The following PARD3B variants were observed in gnomAD, a reference collection of about 807,000 sequenced individuals.
PARD3B encodes partitioning defective 3 homolog B.
PARD3B carries 103 observed loss-of-function variants against 130.2 expected under a neutral mutation model. That is an observed-to-expected ratio of 0.79 (90% confidence interval 0.67 to 0.93). PARD3B has a LOEUF of 0.93. Ranked by LOEUF, PARD3B falls within the 40% of genes least tolerant of loss-of-function variation. The pLI, the probability that PARD3B is intolerant of heterozygous loss-of-function variation, is 0.00. For synonymous variants in PARD3B, 583 were observed against 553.2 expected (o/e 1.05, Z -0.76); for missense variants, 1,609 against 1,499.2 (o/e 1.07, Z -1.21).
In PARD3B at chr2:205,104,597, C is replaced by T. The variant is rs940739113; in HGVS notation, c.593+83C>T. 1.6e-5 allele frequency: 15 copies of T among 952,186 alleles called. No homozygotes were observed. In the East Asian group the frequency reaches 2.3e-4, roughly 15 times the overall value. The allele number at this position is 952,186 out of a possible 1,614,324, so 59.0% of individuals were successfully genotyped here. On this transcript the variant is annotated intron_variant, in intron 5 of 22. Coordinates refer to ENST00000406610, the MANE Select transcript of PARD3B (RefSeq NM_001302769.2). ...ATAGTTTATAATTGTTCTTACTTTA[C>T]AAGAAAGATCAGGATAAGTAGAATC...
chr2:204,875,615 G>T (rs2045810774), intron 2 of PARD3B, among the ~76,000 whole-genome samples: 1 of 152,170 alleles, frequency 6.6e-6, no homozygotes, highest in Admixed American at 6.6e-5. Context: ...GGCCTGCCTT[G>T]AAAGAGAAAC....
chr2:205,539,689 A>C (rs781594943), intron 21 of PARD3B, among the ~76,000 whole-genome samples: 49 of 152,174 alleles, frequency 3.2e-4, no homozygotes, highest in Non-Finnish European at 1.6e-4. Flanking sequence ...AGTAGTTTAG[A>C]TATCCGGTTC....
At chr2:205,192,744 A>G (rs894973160) in intron 14 of PARD3B, among the ~76,000 whole-genome samples, 2 of 152,226 alleles carry the variant, frequency 1.3e-5, no homozygotes, top group African/African-American at 4.8e-5. Flanking sequence ...AAACTCCTAC[A>G]GGCATCAGTC....
intron 1 of PARD3B, among the ~76,000 whole-genome samples, chr2:204,596,889 G>T (rs987844037): frequency 7.3e-5 from 11 of 151,720 alleles, no homozygotes; most frequent in African/African-American, 2.4e-4. Flanking sequence ...TTGCACTCCA[G>T]CCTGGGCAAC....
chr2:204,715,548 A>G lies in PARD3B; in HGVS notation c.222+29266A>G, dbSNP rs182979502. ...GAGTGTTTCTGGCACTTGATCAGTT[A>G]AAACGTAAATCGTAAGCCAAACTAC... On this transcript the variant is annotated intron_variant, in intron 2 of 22. Transcript: ENST00000406610. Among the ~76,000 whole-genome samples, 348 of 151,130 alleles carry G rather than the reference A, an allele frequency of 2.3e-3. 3 individuals carry two copies. The South Asian group carries it at 0.026, about 11-fold the overall frequency.
chr2:205,250,462 A>C (rs970376465), intron 16 of PARD3B, among the ~76,000 whole-genome samples: 7 of 152,144 alleles, frequency 4.6e-5, no homozygotes, highest in Non-Finnish European at 8.8e-5. Context: ...TAAAACAGGC[A>C]AGTGTGTGAA....
chr2:204,815,122 A>G (rs942825267), intron 2 of PARD3B, among the ~76,000 whole-genome samples: 1 of 151,916 alleles, frequency 6.6e-6, no homozygotes, highest in Non-Finnish European at 1.5e-5. Context: ...TAGTTGATGT[A>G]GAATTAATAT....
At chr2:204,865,093 C>T (rs60086789) in intron 2 of PARD3B, among the ~76,000 whole-genome samples, 2,650 of 152,130 alleles carry the variant, frequency 0.017, 79 homozygotes, top group African/African-American at 0.061. Context: ...CCACCTCACT[C>T]ATGCAAGAAC....
At chr2:205,373,005 T>A (rs191417648) in intron 18 of PARD3B, among the ~76,000 whole-genome samples, 34 of 152,338 alleles carry the variant, frequency 2.2e-4, no homozygotes, top group Non-Finnish European at 4.6e-4. Flanking sequence ...ATTATTTTTT[T>A]AAATCATTAT....
At chr2:204,979,183 G>A (rs1380781997) in intron 3 of PARD3B, among the ~76,000 whole-genome samples, 1 of 151,120 alleles carries the variant, frequency 6.6e-6, no homozygotes, top group Non-Finnish European at 1.5e-5. Context: ...TCCAGCCTAG[G>A]CGACAGAGCG....
At chr2:204,832,528 G>A (rs1487778768) in intron 2 of PARD3B, among the ~76,000 whole-genome samples, 4 of 152,182 alleles carry the variant, frequency 2.6e-5, no homozygotes, top group Non-Finnish European at 5.9e-5. Flanking sequence ...TGAAAGAACA[G>A]CTGGATAAAG....
At chr2:204,654,506 C>T (rs1293688322) in intron 1 of PARD3B, among the ~76,000 whole-genome samples, 1 of 145,014 alleles carries the variant, frequency 6.9e-6, no homozygotes, top group African/African-American at 2.9e-5. Context: ...GGTTTTTCTG[C>T]CATTTTAGCT....
chr2:205,410,292 G>C (rs1473234902), intron 19 of PARD3B, among the ~76,000 whole-genome samples: 2 of 152,076 alleles, frequency 1.3e-5, no homozygotes, highest in Non-Finnish European at 2.9e-5. Flanking sequence ...TACTTTAATG[G>C]GGATTAAATA....
chr2:204,973,202 T>C (rs1330415537), intron 3 of PARD3B, among the ~76,000 whole-genome samples: 3 of 152,230 alleles, frequency 2.0e-5, no homozygotes, highest in African/African-American at 7.2e-5. Context: ...TAAATACAAG[T>C]ACTGCTTTTC....
intron 20 of PARD3B, among the ~76,000 whole-genome samples, chr2:205,457,855 C>G (rs1262628946): frequency 6.6e-6 from 1 of 152,082 alleles, no homozygotes; most frequent in African/African-American, 2.4e-5. Context: ...AAATCTGAAA[C>G]TTTTTGAGCA....
At chr2:205,493,103 G>A (rs923432305) in intron 20 of PARD3B, among the ~76,000 whole-genome samples, 44 of 152,026 alleles carry the variant, frequency 2.9e-4, no homozygotes, top group Non-Finnish European at 2.1e-4. Context: ...AGAAAAATTA[G>A]CAAAATAAGC....
At chr2:204,710,681 T>A (rs1194663823) in intron 2 of PARD3B, among the ~76,000 whole-genome samples, 1 of 152,236 alleles carries the variant, frequency 6.6e-6, no homozygotes, top group Non-Finnish European at 1.5e-5. Context: ...TCTCAATTAC[T>A]GATTTGAAGA....
At chr2:205,284,441 C>T (rs897207155) in intron 16 of PARD3B, among the ~76,000 whole-genome samples, 1 of 152,152 alleles carries the variant, frequency 6.6e-6, no homozygotes, top group African/African-American at 2.4e-5. Context: ...GAGATAAATT[C>T]TTTGAGGCCA....
intron 22 of PARD3B, 115 bp from the exon 23 acceptor site, chr2:205,615,341 T>C: frequency 1.3e-6 from 1 of 783,756 alleles, no homozygotes. Context: ...TCCCATCCCA[T>C]TGGCCAGACC....
Sources: gnomAD v4.1 joint callset for allele counts (sites outside exome capture counted in the v4.1 genomes callset) on GRCh38, gnomAD v4.1.1 for gene constraint, MANE v1.5 for transcripts, NCBI Gene and HGNC (gene_info 2026-07-23, HGNC 2026-07-21) for gene names.